The following ATXN1 variants were observed in gnomAD, a reference collection of about 807,000 sequenced individuals.
ATXN1 encodes ataxin-1.
In ATXN1, 8 loss-of-function variants were observed where a neutral mutation model predicts 56.4. The observed-to-expected ratio is 0.14, with a 90% confidence interval of 0.08 to 0.26. ATXN1 has a LOEUF of 0.26. Ranked by LOEUF, ATXN1 falls within the 10% of genes least tolerant of loss-of-function variation. The probability of loss-of-function intolerance (pLI) is 1.00; values close to 1 mark genes in which losing one functional copy is unlikely to be tolerated. For missense variants in ATXN1, 987 were observed against 1,106.5 expected (o/e 0.89, Z 1.53); for synonymous variants, 514 against 494.6 (o/e 1.04, Z -0.52).
intron 6 of ATXN1, among the ~76,000 whole-genome samples, chr6:16,370,918 T>C (rs1368581026): frequency 6.6e-6 from 1 of 152,202 alleles, no homozygotes; most frequent in Non-Finnish European, 1.5e-5. Context: ...TGGAGCTAAA[T>C]ATTAATCAGT....
chr6:16,631,961 C>A (rs1351834713), intron 3 of ATXN1, among the ~76,000 whole-genome samples: 1 of 152,182 alleles, frequency 6.6e-6, no homozygotes, highest in Non-Finnish European at 1.5e-5. Flanking sequence ...TGCATCGTAG[C>A]TATGGTGGGG....
chr6:16,686,529 T>C lies in ATXN1; in HGVS notation c.-614-28628A>G, dbSNP rs74569248. Among the ~76,000 whole-genome samples the C allele has an allele frequency of 6.0e-4, 82 of 136,378 alleles. 1 individual carries two copies. In the East Asian group the frequency reaches 0.016, roughly 26 times the overall value. The allele number at this position is 136,378 out of a possible 152,430, so 89.5% of individuals were successfully genotyped here. A position where few individuals can be genotyped will look rare whatever the true frequency, so the allele number is the denominator to read the frequency against. On this transcript the variant is annotated intron_variant, in intron 2 of 7. Coordinates refer to ENST00000436367, the MANE Select transcript of ATXN1 (RefSeq NM_001128164.2). ...ATTATGCCGAAAAGAGATATTTATA[T>C]AGAAGGGAATTACTTAGGACATGCG...
At chr6:16,742,663 C>T (rs1200788058) in intron 2 of ATXN1, among the ~76,000 whole-genome samples, 3 of 152,186 alleles carry the variant, frequency 2.0e-5, no homozygotes, top group African/African-American at 7.2e-5. Context: ...TCACCTACCA[C>T]CAACAGTGCA....
rs113871296 is a variant in ATXN1 at position 16,714,133 on chromosome 6, C to G, written c.-615+39100G>C. 9.5e-3 allele frequency among the ~76,000 whole-genome samples: 1,411 copies of G among 148,464 alleles called. 11 individuals carry two copies. The highest frequency in any genetic ancestry group is 0.015 in the Non-Finnish European group (1,039 of 67,396). On this transcript the variant is annotated intron_variant, in intron 2 of 7. Transcript: ENST00000436367. ...TCACACCACTCCATGCCAGCCTGGG[C>G]GACAGAGTAAGACTGTAGAAAAAAA... is the stretch of plus-strand genomic sequence containing the variant.
intron 6 of ATXN1, among the ~76,000 whole-genome samples, chr6:16,386,347 C>T (rs771756445): frequency 2.0e-5 from 3 of 152,094 alleles, no homozygotes; most frequent in Non-Finnish European, 4.4e-5. Context: ...GGTGACAGCG[C>T]GTTAACCATA....
intron 7 of ATXN1, among the ~76,000 whole-genome samples, chr6:16,311,974 G>A (rs1358137948): frequency 6.6e-6 from 1 of 152,188 alleles, no homozygotes; most frequent in African/African-American, 2.4e-5. Context: ...GGTTCTGCGT[G>A]TTCCCGGATA....
chr6:16,520,281 G>A (rs1761261837), intron 5 of ATXN1, among the ~76,000 whole-genome samples: 1 of 152,138 alleles, frequency 6.6e-6, no homozygotes. Flanking sequence ...CAGCTTCTGA[G>A]CTTCTTTTTA....
In ATXN1 at chr6:16,454,125, CAAAAAAAAAAAAAA is replaced by C. The variant is rs56277549; in HGVS notation, c.-161+31833_-161+31846del. Among the ~76,000 whole-genome samples, 331 of 76,642 alleles carry C rather than the reference CAAAAAAAAAAAAAA, an allele frequency of 4.3e-3. 5 individuals carry two copies. The highest frequency in any genetic ancestry group is 0.014 in the African/African-American group (179 of 12,722). 50.3% of individuals were successfully genotyped at this position (76,642 alleles called of 152,430 possible). On this transcript the variant is annotated intron_variant, in intron 6 of 7. Coordinates refer to ENST00000436367, the MANE Select transcript of ATXN1 (RefSeq NM_001128164.2). ...GGGCAATAAGAGCGAGACTCTGTCT[CAAAAAAAAAAAAAA>C]AAAAAAAAAAAAAAACAGAAGAATT...
At chr6:16,674,813 G>A (rs1758625751) in intron 2 of ATXN1, among the ~76,000 whole-genome samples, 1 of 152,122 alleles carries the variant, frequency 6.6e-6, no homozygotes, top group African/African-American at 2.4e-5. Context: ...ATGAGATCCT[G>A]GGAAATGGCC....
chr6:16,444,115 CAAAAA>C (rs59044073), intron 6 of ATXN1, among the ~76,000 whole-genome samples: 1 of 131,366 alleles, frequency 7.6e-6, no homozygotes. Flanking sequence ...GGCTCCGTCT[CAAAAA>C]AAAAAAAAAA....
At chr6:16,330,927 T>TA (rs971827083) in intron 6 of ATXN1, among the ~76,000 whole-genome samples, 2 of 152,066 alleles carry the variant, frequency 1.3e-5, no homozygotes, top group South Asian at 2.1e-4. Context: ...AAAATAAGGT[T>TA]AAAAAAACCC....
chr6:16,653,741 T>C (rs1481345367), intron 3 of ATXN1, among the ~76,000 whole-genome samples: 2 of 152,108 alleles, frequency 1.3e-5, no homozygotes, highest in Admixed American at 1.3e-4. Flanking sequence ...TGGAAGAAAG[T>C]GGGTTTCTAA....
At chr6:16,703,682 T>C (rs530712643) in intron 2 of ATXN1, among the ~76,000 whole-genome samples, 10 of 152,304 alleles carry the variant, frequency 6.6e-5, no homozygotes, top group Admixed American at 4.6e-4. Flanking sequence ...AAATAGTACA[T>C]CTATGGTGAA....
Position 16,563,600 on chromosome 6 carries a change from G to A in ATXN1, c.-361+22180C>T, listed in dbSNP as rs188650107. Reference sequence around the variant, plus strand: ...GGGGTCAGGAGGCTATGCCCAGAGAGAACTACAGAGTCTGAGATTTTAAGA... The same window carrying A: ...GGGGTCAGGAGGCTATGCCCAGAGAAAACTACAGAGTCTGAGATTTTAAGA... On this transcript the variant is annotated intron_variant, in intron 4 of 7. Coordinates refer to ENST00000436367, the MANE Select transcript of ATXN1 (RefSeq NM_001128164.2). 5.9e-5 allele frequency among the ~76,000 whole-genome samples: 9 copies of A among 152,204 alleles called. No homozygotes were observed. The East Asian group carries it at 1.7e-3, about 29-fold the overall frequency.
At chr6:16,516,085 C>T (rs1157560537) in intron 5 of ATXN1, among the ~76,000 whole-genome samples, 2 of 152,198 alleles carry the variant, frequency 1.3e-5, no homozygotes, top group Admixed American at 1.3e-4. Flanking sequence ...TAGCCACCTG[C>T]TAAATTGAGT....
chr6:16,688,510 C>G (rs1373258481), intron 2 of ATXN1, among the ~76,000 whole-genome samples: 3 of 152,162 alleles, frequency 2.0e-5, no homozygotes, highest in Admixed American at 2.0e-4. Context: ...TGGCTTTCTC[C>G]ATAGAGCATC....
rs139905979 is a variant in ATXN1, at chr6:16,693,614, A to C, written c.-614-35713T>G. On this transcript the variant is annotated intron_variant, in intron 2 of 7. Transcript: ENST00000436367. ...ATGTCCAGTCACCCAGGACTTGATC[A>C]AACAGAACTCTATTAACTACCTCCT... is the stretch of plus-strand genomic sequence containing the variant. Among the ~76,000 whole-genome samples, 3 of 152,286 alleles carry C rather than the reference A, an allele frequency of 2.0e-5. No individual in the cohort carries two copies. In the East Asian group the frequency reaches 5.8e-4, roughly 29 times the overall value.
At chr6:16,635,875 G>A (rs1229672895) in intron 3 of ATXN1, among the ~76,000 whole-genome samples, 1 of 152,130 alleles carries the variant, frequency 6.6e-6, no homozygotes, top group Non-Finnish European at 1.5e-5. Context: ...ACAAAGCGAC[G>A]ACGCCCACTG....
At chr6:16,317,244 C>T (rs929146278) in intron 7 of ATXN1, among the ~76,000 whole-genome samples, 8 of 152,066 alleles carry the variant, frequency 5.3e-5, no homozygotes, top group African/African-American at 1.9e-4. Context: ...CAATATAGCC[C>T]ATTTTTTCAT....
Sources: allele counts gnomAD v4.1 joint callset (sites outside exome capture counted in the v4.1 genomes callset), GRCh38; gene constraint gnomAD v4.1.1; transcripts MANE v1.5; gene names NCBI Gene and HGNC (gene_info 2026-07-23, HGNC 2026-07-21).